The following TTC28 variants were observed in gnomAD, a reference collection of about 807,000 sequenced individuals.
The protein encoded by TTC28 is tetratricopeptide repeat protein 28.
A neutral mutation model predicts 198.0 loss-of-function variants in TTC28; 61 were observed. The ratio of observed to expected loss-of-function variants is 0.31; its 90% CI spans 0.25 to 0.38. The LOEUF (loss-of-function observed/expected upper bound fraction) is 0.38. Among genes scored for constraint, TTC28 ranks in the 10% least tolerant of loss-of-function variants. The pLI is 1.00. For synonymous variants in TTC28, 1,171 were observed against 1,297.8 expected (o/e 0.90, Z 2.10); for missense variants, 2,678 against 3,164.0 (o/e 0.85, Z 3.69).
chr22:28,130,175 CT>C (rs1238444806), intron 6 of TTC28, among the ~76,000 whole-genome samples: 1 of 152,112 alleles, frequency 6.6e-6, no homozygotes, highest in African/African-American at 2.4e-5. Context: ...ACATTATAGT[CT>C]TTCCTTTCTC....
At chr22:28,054,863 G>T (rs908480986) in intron 12 of TTC28, among the ~76,000 whole-genome samples, 17 of 152,132 alleles carry the variant, frequency 1.1e-4, no homozygotes, top group Non-Finnish European at 4.4e-5. Flanking sequence ...TAGCATTCAA[G>T]GGTTTGGTTA....
intron 5 of TTC28, among the ~76,000 whole-genome samples, chr22:28,192,698 G>C (rs954858831): frequency 2.0e-5 from 3 of 152,120 alleles, no homozygotes; most frequent in Non-Finnish European, 4.4e-5. Flanking sequence ...ATCAGTGATG[G>C]AAGAGCGAAT....
chr22:28,567,544 C>T (rs1400842560), intron 2 of TTC28, among the ~76,000 whole-genome samples: 1 of 117,542 alleles, frequency 8.5e-6, no homozygotes, highest in Non-Finnish European at 1.6e-5. Flanking sequence ...TTCAGAACAG[C>T]TTGCAATTGA....
At chr22:28,243,423 T>C (rs1207496338) in intron 5 of TTC28, among the ~76,000 whole-genome samples, 1 of 126,184 alleles carries the variant, frequency 7.9e-6, no homozygotes, top group African/African-American at 3.3e-5. Context: ...TTTTTTTCCC[T>C]TTTTTTTTTT....
At chr22:28,304,110 C>T (rs1393635904) in intron 3 of TTC28, among the ~76,000 whole-genome samples, 3 of 151,940 alleles carry the variant, frequency 2.0e-5, no homozygotes, top group Non-Finnish European at 4.4e-5. Context: ...ACGATGAAAC[C>T]CCGTCTCTAC....
At chr22:28,495,093 TGA>T (rs1041082271) in intron 2 of TTC28, among the ~76,000 whole-genome samples, 24 of 152,208 alleles carry the variant, frequency 1.6e-4, no homozygotes, top group African/African-American at 5.5e-4. Context: ...AATTATCTCC[TGA>T]GATTCAATAT....
intron 2 of TTC28, among the ~76,000 whole-genome samples, chr22:28,335,964 T>C (rs2045708918): frequency 6.6e-6 from 1 of 152,204 alleles, no homozygotes; most frequent in East Asian, 1.9e-4. Flanking sequence ...AGTATGATAT[T>C]GGCTGTGGGT....
intron 2 of TTC28, among the ~76,000 whole-genome samples, chr22:28,553,318 C>T (rs147721668): frequency 7.3e-5 from 11 of 151,252 alleles, no homozygotes; most frequent in Non-Finnish European, 1.6e-4. Flanking sequence ...CTCTGCCCAG[C>T]GCCATCCCAT....
chr22:28,457,208 C>T (rs1422434492), intron 2 of TTC28, among the ~76,000 whole-genome samples: 1 of 152,060 alleles, frequency 6.6e-6, no homozygotes, highest in Non-Finnish European at 1.5e-5. Flanking sequence ...CTAATTAGGC[C>T]GAGTAAGATG....
At chr22:28,196,841 A>G (rs1228464255) in intron 5 of TTC28, among the ~76,000 whole-genome samples, 2 of 152,178 alleles carry the variant, frequency 1.3e-5, no homozygotes, top group Admixed American at 6.5e-5. Flanking sequence ...AACTAGTTCA[A>G]CCATTGTGGA....
At chr22:27,986,587 A>G (rs1011388568) in intron 21 of TTC28, among the ~76,000 whole-genome samples, 1 of 152,110 alleles carries the variant, frequency 6.6e-6, no homozygotes, top group Non-Finnish European at 1.5e-5. Context: ...GGTACCTACG[A>G]TGCCACACCC....
At position 28,225,630 on chromosome 22, in the gene TTC28, T is replaced by C. The variant is rs542590763; in HGVS notation, c.934-62031A>G. ...GCATGCAATTTATTTACTGAGGTAA[T>C]TGACAAAAAATAAATAACATATATT... On this transcript the variant is annotated intron_variant, in intron 5 of 22. Coordinates refer to ENST00000397906, the MANE Select transcript of TTC28 (RefSeq NM_001145418.2). Among the ~76,000 whole-genome samples, 142 of 152,320 alleles carry C rather than the reference T, an allele frequency of 9.3e-4. 1 individual carries two copies. The highest frequency in any genetic ancestry group is 3.2e-3 in the African/African-American group (133 of 41,574).
In TTC28 at chr22:28,582,817, G is replaced by A. The variant is rs533111500; in HGVS notation, c.381+46735C>T. Among the ~76,000 whole-genome samples the A allele has an allele frequency of 8.2e-4, 125 of 152,222 alleles. 2 individuals are homozygous for A. In the South Asian group the frequency reaches 0.022, roughly 27 times the overall value. The stretch of plus-strand genomic sequence containing the variant: ...GTTTTAAAGTTTTTATATGCAACTT[G>A]GGGTAAACATTTTACTTGTGATTCA... On this transcript the variant is annotated intron_variant, in intron 2 of 22. Transcript: ENST00000397906.
At chr22:28,100,877 T>C (rs1458609395) in intron 9 of TTC28, among the ~76,000 whole-genome samples, 1 of 152,226 alleles carries the variant, frequency 6.6e-6, no homozygotes, top group Admixed American at 6.5e-5. Flanking sequence ...TAATTATGAA[T>C]TTTTGTTTTA....
chr22:28,331,018 T>C (rs949058795), intron 2 of TTC28, among the ~76,000 whole-genome samples: 2 of 152,212 alleles, frequency 1.3e-5, no homozygotes, highest in African/African-American at 2.4e-5. Context: ...TCTAATGGCC[T>C]AGTTCATGCA....
chr22:28,455,359 T>A (rs890096645), intron 2 of TTC28, among the ~76,000 whole-genome samples: 1 of 152,050 alleles, frequency 6.6e-6, no homozygotes, highest in African/African-American at 2.4e-5. Flanking sequence ...TAATAAAAGG[T>A]TTTCTTATTA....
intron 5 of TTC28, among the ~76,000 whole-genome samples, chr22:28,257,362 A>T (rs1231295032): frequency 6.6e-6 from 1 of 152,194 alleles, no homozygotes; most frequent in Non-Finnish European, 1.5e-5. Flanking sequence ...AGCATCCATC[A>T]ATGGATAATG....
intron 2 of TTC28, among the ~76,000 whole-genome samples, chr22:28,616,416 T>C (rs1044316230): frequency 6.6e-6 from 1 of 152,188 alleles, no homozygotes; most frequent in Non-Finnish European, 1.5e-5. Flanking sequence ...TTATTACTAT[T>C]ATAATACTAG....
At chr22:28,558,264 G>C (rs546024262) in intron 2 of TTC28, among the ~76,000 whole-genome samples, 2 of 152,156 alleles carry the variant, frequency 1.3e-5, no homozygotes, top group African/African-American at 4.8e-5. Flanking sequence ...TAAGTAATTT[G>C]TTATTCAGAG....
Sources: gnomAD v4.1 joint callset for allele counts (sites outside exome capture counted in the v4.1 genomes callset) on GRCh38, gnomAD v4.1.1 for gene constraint, MANE v1.5 for transcripts, NCBI Gene and HGNC (gene_info 2026-07-23, HGNC 2026-07-21) for gene names.